SHLD1: variants seen among roughly 807,000 people sequenced by gnomAD.
SHLD1 encodes RINN1-REV7-interacting novel NHEJ regulator 3.
Under a neutral mutation model 5.5 loss-of-function variants are expected in SHLD1, and 3 were observed. That is an observed-to-expected ratio of 0.54 (90% CI 0.25 to 1.40). SHLD1 has a LOEUF of 1.40. Among genes scored for constraint, SHLD1 ranks in the 40% most tolerant of loss-of-function variants. The pLI, the probability that SHLD1 is intolerant of heterozygous loss-of-function variation, is 0.15. For synonymous variants in SHLD1, 92 were observed against 94.3 expected, an observed-to-expected ratio of 0.98 and a Z score of 0.14; for missense variants, 210 against 244.4, an observed-to-expected ratio of 0.86 and a Z score of 0.94.
intron 2 of SHLD1, among the ~76,000 whole-genome samples, chr20:5,809,500 T>A (rs1436018067): frequency 6.6e-6 from 1 of 152,050 alleles, no homozygotes; most frequent in Admixed American, 6.5e-5. Flanking sequence ...CTCCAGAGGT[T>A]ATTGTCACTC....
intron 2 of SHLD1, among the ~76,000 whole-genome samples, chr20:5,833,325 G>A (rs1288216466): frequency 6.6e-6 from 1 of 152,096 alleles, no homozygotes; most frequent in Non-Finnish European, 1.5e-5. Flanking sequence ...CTCACAACTC[G>A]GGTTTGGTGT....
chr20:5,784,254 C>A (rs181991811), intron 2 of SHLD1, among the ~76,000 whole-genome samples: 1 of 151,796 alleles, frequency 6.6e-6, no homozygotes, highest in Non-Finnish European at 1.5e-5. Context: ...CACCCAAGGC[C>A]ATGTAGTAAC....
At chr20:5,754,791 C>T (rs1341628137) in intron 1 of SHLD1, among the ~76,000 whole-genome samples, 1 of 152,182 alleles carries the variant, frequency 6.6e-6, no homozygotes, top group Non-Finnish European at 1.5e-5. Context: ...CGTGGTGGCT[C>T]ACGCCTGTAA....
chr20:5,836,641 C>A (rs889688744), intron 2 of SHLD1, among the ~76,000 whole-genome samples: 6 of 152,228 alleles, frequency 3.9e-5, no homozygotes, highest in African/African-American at 1.4e-4. Flanking sequence ...ATGCCACCTT[C>A]TCCTCCTGGA....
chr20:5,806,181 C>T lies in SHLD1; in HGVS notation c.178+33138C>T, dbSNP rs1331036640. 1.3e-5 allele frequency among the ~76,000 whole-genome samples: 2 copies of T among 152,122 alleles called. No homozygotes were observed. Among genetic ancestry groups the T allele is most frequent in the Non-Finnish European group, 2.9e-5 (2 of 68,022 alleles). On this transcript the variant is annotated intron_variant, in intron 2 of 2. Transcript: ENST00000303142. This position sits in a 1 kb window ranked among gnomAD's most constrained non-coding sequence, Gnocchi z 7.6. The stretch of plus-strand genomic sequence containing the variant: ...CATCTGGCTGCTTTATAATTTTTTA[C>T]TTGGCGTTTCTTTATCTGTTTTATG...
At chr20:5,787,242 T>A (rs930787157) in intron 2 of SHLD1, among the ~76,000 whole-genome samples, 7 of 152,226 alleles carry the variant, frequency 4.6e-5, no homozygotes, top group Non-Finnish European at 8.8e-5. Context: ...CAACTTCTTA[T>A]GTGAAAACCC....
intron 2 of SHLD1, among the ~76,000 whole-genome samples, chr20:5,775,923 A>ATTTTTTTTTTTTT (rs533313849): frequency 0.011 from 855 of 77,610 alleles, 179 homozygotes; most frequent in African/African-American, 0.026. Flanking sequence ...TCAGCTCAGG[A>ATTTTTTTTTTTTT]TTTTTTTTTT....
chr20:5,760,698 TAAAA>T (rs1043954802), intron 1 of SHLD1, among the ~76,000 whole-genome samples: 1 of 141,862 alleles, frequency 7.0e-6, no homozygotes, highest in Non-Finnish European at 1.6e-5. Flanking sequence ...GTCTAAAAAA[TAAAA>T]AAAAAACAAC....
In SHLD1 at chr20:5,855,958, T is replaced by C. The variant is rs570915461; in HGVS notation, c.179-7066T>C. On this transcript the variant is annotated intron_variant, in intron 2 of 2. Transcript: ENST00000303142. This position sits in a 1 kb window ranked among gnomAD's most constrained non-coding sequence, Gnocchi z 4.4. The stretch of plus-strand genomic sequence containing the variant: ...GCTGATTTCCCCATACTCTTTTTCC[T>C]CTGCTATAGTCACTAGGCAATGTTG... 1.1e-4 allele frequency among the ~76,000 whole-genome samples: 16 copies of C among 152,342 alleles called. No individual in the cohort carries two copies. The East Asian group carries it at 3.1e-3, about 29-fold the overall frequency.
intron 2 of SHLD1, among the ~76,000 whole-genome samples, chr20:5,816,088 CGAAAAAAAAAA>C (rs990601307): frequency 1.0e-4 from 2 of 20,094 alleles, no homozygotes; most frequent in African/African-American, 3.1e-4. Flanking sequence ...CTCAAAAAAA[CGAAAAAAAAAA>C]AAAAAAAAGA....
At chr20:5,758,099 T>C (rs1018965029) in intron 1 of SHLD1, among the ~76,000 whole-genome samples, 1 of 151,364 alleles carries the variant, frequency 6.6e-6, no homozygotes, top group Admixed American at 6.6e-5. Context: ...TCCTCTTCCA[T>C]GTGTTAGAAG....
chr20:5,756,685 CTTTCTTTTTTT>C, intron 1 of SHLD1: 5 of 146,700 alleles, frequency 3.4e-5, no homozygotes, highest in Non-Finnish European at 7.2e-5. Flanking sequence ...TTCTTTCTTT[CTTTCTTTTTTT>C]TTTTTTTTTT....
intron 1 of SHLD1, among the ~76,000 whole-genome samples, chr20:5,768,700 CACAT>C (rs1984981230): frequency 6.6e-6 from 1 of 152,202 alleles, no homozygotes; most frequent in Non-Finnish European, 1.5e-5. Context: ...ATATTTCTTA[CACAT>C]ACATCTTACA....
chr20:5,806,263 C>T lies in SHLD1; in HGVS notation c.178+33220C>T, dbSNP rs138460292. ...CATAGTAGCTGACATAAGTGAGAAT[C>T]TCCACCCACAAACTTTAAAACTGTT... is the stretch of plus-strand genomic sequence containing the variant. On this transcript the variant is annotated intron_variant, in intron 2 of 2. Transcript: ENST00000303142. The surrounding 1 kb of genome is among the most constrained non-coding windows in gnomAD (Gnocchi z 7.6). Among the ~76,000 whole-genome samples the T allele has an allele frequency of 1.4e-4, 21 of 152,300 alleles. No individual in the cohort carries two copies. In the East Asian group the frequency reaches 3.9e-3, roughly 28 times the overall value.
chr20:5,852,919 T>G (rs917445009), intron 2 of SHLD1, among the ~76,000 whole-genome samples: 1 of 152,258 alleles, frequency 6.6e-6, no homozygotes, highest in Non-Finnish European at 1.5e-5. Context: ...TTGTTGCTTG[T>G]GTTTCTCATT....
At chr20:5,797,522 C>T (rs1261267856) in intron 2 of SHLD1, among the ~76,000 whole-genome samples, 1 of 151,952 alleles carries the variant, frequency 6.6e-6, no homozygotes, top group African/African-American at 2.4e-5. Flanking sequence ...ATGAACATAC[C>T]ACTGCACTCC....
Position 5,764,308 on chromosome 20 carries a change from C to T in SHLD1, c.-4-8554C>T, listed in dbSNP as rs529620648. Among the ~76,000 whole-genome samples the T allele has an allele frequency of 1.1e-4, 17 of 147,946 alleles. No homozygotes were observed. In the South Asian group the frequency reaches 3.6e-3, roughly 31 times the overall value. On this transcript the variant is annotated intron_variant, in intron 1 of 2. Transcript: ENST00000303142. ...AAGTAACACAGCTAAAAAGTGACAG[C>T]AGGGGTTCAAACCCATTCTCTTTAA...
intron 1 of SHLD1, among the ~76,000 whole-genome samples, chr20:5,755,801 C>T (rs920953406): frequency 9.9e-5 from 15 of 152,110 alleles, no homozygotes; most frequent in Non-Finnish European, 1.8e-4. Flanking sequence ...TCAAGTGATC[C>T]GCCCACCTCG....
At chr20:5,805,006 C>A (rs557614636) in intron 2 of SHLD1, among the ~76,000 whole-genome samples, 1 of 152,324 alleles carries the variant, frequency 6.6e-6, no homozygotes, top group South Asian at 2.1e-4. Context: ...ACAATACTAA[C>A]CCCAAATGCC....
Sources: gnomAD v4.1 joint callset for allele counts (sites outside exome capture counted in the v4.1 genomes callset) on GRCh38, gnomAD v4.1.1 for gene constraint, Gnocchi (gnomAD v3.1) non-coding constraint, MANE v1.5 for transcripts, NCBI Gene and HGNC (gene_info 2026-07-23, HGNC 2026-07-21) for gene names.